Variants in ACAA2 observed in about 807,000 individuals in gnomAD.
ACAA2 encodes 3-ketoacyl-CoA thiolase, mitochondrial.
In ACAA2, 35 loss-of-function variants were observed where a neutral mutation model predicts 44.8. That is an observed-to-expected ratio of 0.78 (90% CI 0.60 to 1.04). ACAA2 has a LOEUF of 1.04. Ranked by LOEUF, ACAA2 falls within the 50% of genes least tolerant of loss-of-function variation. ACAA2 has a pLI of 0.00. For synonymous variants in ACAA2, 142 were observed against 166.5 expected (o/e 0.85, Z 1.13); for missense variants, 468 against 482.6 (o/e 0.97, Z 0.28).
Position 49,795,805 on chromosome 18 carries a change from C to G in ACAA2, c.389G>C (p.Arg130Thr). 6.2e-7 allele frequency: 1 copy of G among 1,611,054 alleles called. No individual in the cohort carries two copies. The highest frequency in any genetic ancestry group is 8.5e-7 in the Non-Finnish European group (1 of 1,178,626). ...ESMSQAPYCV[R>T]NVRFGTKLGS... ...AAGCTTGGTTCCAAAACGCACATTT[C>G]TGACACAGTAGGGAGCTTGGCTCAT... The change falls in exon 4 of 10, where the codon AGA (arginine) becomes ACA (threonine). Residue 130 changes from arginine to threonine, a missense_variant. Coordinates refer to ENST00000285093, the MANE Select transcript of ACAA2 (RefSeq NM_006111.3).
intron 1 of ACAA2, among the ~76,000 whole-genome samples, chr18:49,810,275 T>C (rs2143984201): frequency 6.6e-6 from 1 of 152,320 alleles, no homozygotes; most frequent in South Asian, 2.1e-4. Flanking sequence ...CTCCTGCAGC[T>C]TGGCACATCA....
Position 49,807,260 on chromosome 18 carries a change from T to C in ACAA2, c.17-4407A>G, listed in dbSNP as rs774328419. On this transcript the variant is annotated intron_variant, in intron 1 of 9. Coordinates refer to ENST00000285093, the MANE Select transcript of ACAA2 (RefSeq NM_006111.3). ...AATGTAAAAAATTAGTTGGGCATAG[T>C]GGCATGTGCCTGTAGTCCCAGCTAT... Among the ~76,000 whole-genome samples the C allele has an allele frequency of 3.4e-4, 52 of 152,302 alleles. 1 individual carries two copies. Among genetic ancestry groups the C allele is most frequent in the Non-Finnish European group, 4.9e-4 (33 of 68,028 alleles).
intron 4 of ACAA2, among the ~76,000 whole-genome samples, chr18:49,794,779 T>G (rs944717541): frequency 1.3e-5 from 2 of 152,200 alleles, no homozygotes; most frequent in African/African-American, 4.8e-5. Context: ...TGAGTCTTCA[T>G]GCAATGTTTT....
rs375657323 is a variant in ACAA2, at chr18:49,792,310, A to G, written c.595T>C (p.Phe199Leu). 12 of 1,613,710 alleles carry G rather than the reference A, an allele frequency of 7.4e-6. No homozygotes were observed. The African/African-American group carries it at 1.5e-4, about 20-fold the overall frequency. Reference sequence around the variant, plus strand: ...TCAATTGGTGCCATTTCATCATTAAAGTAGCCAGCATCATTAGCTGAAAAA... The same window carrying G: ...TCAATTGGTGCCATTTCATCATTAAGGTAGCCAGCATCATTAGCTGAAAAA... ...RWKAANDAGY[F>L]NDEMAPIEVK... is the part of the protein sequence containing the mutation. Residue 199 changes from phenylalanine to leucine, a missense_variant, in exon 6 of 10, where the codon TTT becomes CTT. Coordinates refer to ENST00000285093, the MANE Select transcript of ACAA2 (RefSeq NM_006111.3).
At chr18:49,805,464 G>C (rs1011829761) in intron 1 of ACAA2, among the ~76,000 whole-genome samples, 1 of 152,266 alleles carries the variant, frequency 6.6e-6, no homozygotes, top group Middle Eastern at 3.4e-3. Flanking sequence ...CAAACGTTTT[G>C]TTCTGGTAAA....
At chr18:49,805,156 T>C (rs1269705708) in intron 1 of ACAA2, among the ~76,000 whole-genome samples, 1 of 152,210 alleles carries the variant, frequency 6.6e-6, no homozygotes, top group Non-Finnish European at 1.5e-5. Context: ...TATGGGACTT[T>C]CGGCAATGGG....
chr18:49,806,033 A>G (rs1568590797), intron 1 of ACAA2, among the ~76,000 whole-genome samples: 1 of 152,168 alleles, frequency 6.6e-6, no homozygotes, highest in African/African-American at 2.4e-5. Context: ...TCCAGACAAT[A>G]TATAAGAACA....
rs1169240446 is a variant in ACAA2, at chr18:49,797,512, TTAA to T, written c.263_265del (p.Ile88del). The T allele has an allele frequency of 1.2e-6, 2 of 1,611,990 alleles. No individual in the cohort carries two copies. Among genetic ancestry groups the T allele is most frequent in the Non-Finnish European group, 1.7e-6 (2 of 1,179,716 alleles). ...CTGAAAACCAGAACCACAGAGCCTA[TTAA>T]TCGTGAGAGCTGGGGTCTCCTTTGG... is the stretch of plus-strand genomic sequence containing the variant. On this transcript the variant is annotated inframe_deletion, in exon 3 of 10. Coordinates refer to ENST00000285093, the MANE Select transcript of ACAA2 (RefSeq NM_006111.3).
At chr18:49,807,982 TAA>T (rs571108352) in intron 1 of ACAA2, among the ~76,000 whole-genome samples, 24 of 116,258 alleles carry the variant, frequency 2.1e-4, no homozygotes, top group Non-Finnish European at 1.8e-4. Flanking sequence ...GCTCAGCAAT[TAA>T]AAAAAAAAAA....
At chr18:49,810,751 G>A (rs946502340) in intron 1 of ACAA2, among the ~76,000 whole-genome samples, 5 of 151,588 alleles carry the variant, frequency 3.3e-5, no homozygotes, top group African/African-American at 9.7e-5. Context: ...GCGGTAGTGT[G>A]ATCTTGGCTC....
At chr18:49,795,976 A>G in intron 3 of ACAA2, 95 bp from the exon 4 acceptor site, 1 of 791,074 alleles carries the variant, frequency 1.3e-6, no homozygotes, top group Non-Finnish European at 2.1e-6. Context: ...GGTAAATCAA[A>G]CAAATATTGT....
At chr18:49,795,700 T>TGTTA in intron 4 of ACAA2, 65 bp downstream of exon 4, 4 of 936,562 alleles carry the variant, frequency 4.3e-6, no homozygotes, top group Non-Finnish European at 6.2e-6. Flanking sequence ...TAAAAAGGTA[T>TGTTA]GTTATTAAAA....
chr18:49,786,141 T>C (rs1171514263), intron 8 of ACAA2: 1 of 141,894 alleles, frequency 7.0e-6, no homozygotes, highest in East Asian at 1.9e-4. Context: ...TCTTGTGCTC[T>C]TTCCTACTAT....
intron 3 of ACAA2, among the ~76,000 whole-genome samples, chr18:49,796,766 G>T (rs561083985): frequency 1.3e-4 from 20 of 151,956 alleles, no homozygotes; most frequent in African/African-American, 4.3e-4. Context: ...CACAGACCTG[G>T]GTTCAAATTC....
At chr18:49,802,582 ATAAC>A in intron 2 of ACAA2, 101 bp downstream of exon 2, 1 of 980,626 alleles carries the variant, frequency 1.0e-6, no homozygotes, top group Non-Finnish European at 1.4e-6. Flanking sequence ...AAAAAAGTCT[ATAAC>A]TATTATTAAC....
rs2023290711 is a variant in ACAA2, at chr18:49,783,559, AGTG to A, written c.*285_*287del. 3.6e-6 allele frequency: 1 copy of A among 280,164 alleles called. No individual in the cohort carries two copies. The highest frequency in any genetic ancestry group is 6.8e-6 in the Non-Finnish European group (1 of 146,740). 17.4% of individuals were successfully genotyped at this position (280,164 alleles called of 1,614,324 possible). On this transcript the variant is annotated 3_prime_UTR_variant, in exon 10 of 10. Transcript: ENST00000285093. ...TTATAATCATATTATCTAAGGCAGA[AGTG>A]GTGGTTACTTGGCAAGAATACGATT...
chr18:49,791,280 GT>G (rs773711790), intron 7 of ACAA2, among the ~76,000 whole-genome samples, 189 bp downstream of exon 7: 1 of 152,162 alleles, frequency 6.6e-6, no homozygotes, highest in Admixed American at 6.5e-5. Context: ...CCTCCATGGA[GT>G]TTACACGGTC....
intron 7 of ACAA2, among the ~76,000 whole-genome samples, chr18:49,788,523 G>A (rs543954439): frequency 1.5e-4 from 20 of 133,280 alleles, no homozygotes; most frequent in Middle Eastern, 7.6e-3. Flanking sequence ...ATTTACTACA[G>A]CTACTGATTT....
intron 2 of ACAA2, among the ~76,000 whole-genome samples, chr18:49,801,617 G>A (rs562995932): frequency 1.5e-4 from 23 of 151,778 alleles, no homozygotes; most frequent in Admixed American, 1.2e-3. Context: ...GATACACAAC[G>A]GCAAGATGAA....
Sources: allele counts gnomAD v4.1 joint callset (sites outside exome capture counted in the v4.1 genomes callset), GRCh38; gene constraint gnomAD v4.1.1; transcripts MANE v1.5; gene names NCBI Gene and HGNC (gene_info 2026-07-23, HGNC 2026-07-21).